ZFHX4: variants seen among roughly 807,000 people sequenced by gnomAD.
ZFHX4 encodes the protein zinc finger homeobox 4.
A neutral mutation model predicts 267.6 loss-of-function variants in ZFHX4; 56 were observed. That is an observed-to-expected ratio of 0.21 (90% CI 0.17 to 0.26). The LOEUF (loss-of-function observed/expected upper bound fraction) is 0.26. Ranked by LOEUF, ZFHX4 falls within the 10% of genes least tolerant of loss-of-function variation. ZFHX4 has a pLI of 1.00. For synonymous variants in ZFHX4, 1,778 were observed against 1,665.6 expected, an observed-to-expected ratio of 1.07 and a Z score of -1.64; for missense variants, 4,332 against 4,420.0, an observed-to-expected ratio of 0.98 and a Z score of 0.56.
chr8:76,690,200 G>A (rs1807789318), intron 1 of ZFHX4, among the ~76,000 whole-genome samples: 1 of 151,956 alleles, frequency 6.6e-6, no homozygotes, highest in South Asian at 2.1e-4. Flanking sequence ...AAATCACTCT[G>A]CAAATATTTA....
intron 3 of ZFHX4, among the ~76,000 whole-genome samples, chr8:76,719,881 G>A (rs1034991963): frequency 6.6e-6 from 1 of 152,106 alleles, no homozygotes; most frequent in African/African-American, 2.4e-5. Context: ...AAGCAGTTCT[G>A]CATTAGAAAG....
At chr8:76,758,992 G>A (rs1343081360) in intron 3 of ZFHX4, among the ~76,000 whole-genome samples, 2 of 152,034 alleles carry the variant, frequency 1.3e-5, no homozygotes, top group Non-Finnish European at 2.9e-5. Context: ...ATACAATACT[G>A]GTATGTGGAT....
At chr8:76,712,153 AT>A (rs1460133902) in intron 3 of ZFHX4, among the ~76,000 whole-genome samples, 4 of 152,184 alleles carry the variant, frequency 2.6e-5, no homozygotes, top group Non-Finnish European at 5.9e-5. Flanking sequence ...GCCTGTCTCC[AT>A]GGTGAGCAAA....
chr8:76,693,809 T>C (rs563223422), intron 1 of ZFHX4, among the ~76,000 whole-genome samples: 1 of 152,156 alleles, frequency 6.6e-6, no homozygotes, highest in Non-Finnish European at 1.5e-5. Flanking sequence ...TTAGGAATCA[T>C]TATGGCTTGC....
intron 3 of ZFHX4, among the ~76,000 whole-genome samples, chr8:76,766,207 G>A (rs1464356893): frequency 1.3e-5 from 2 of 151,660 alleles, no homozygotes; most frequent in Non-Finnish European, 2.9e-5. Context: ...TAGGCCAACT[G>A]ATGTCAAAAA....
chr8:76,730,323 C>T (rs955992467), intron 3 of ZFHX4, among the ~76,000 whole-genome samples: 1 of 152,124 alleles, frequency 6.6e-6, no homozygotes, highest in African/African-American at 2.4e-5. Flanking sequence ...AAAATGTATT[C>T]ATTCTGCAAA....
rs112654871 is a variant in ZFHX4, at chr8:76,741,783, C to CT, written c.3093+33742dup. ...TTCCTTATATCACCATCTAAAACCACTTTTTTTCAGAATGTGTATATTTTG... is the reference window on the plus strand; with the variant it reads ...TTCCTTATATCACCATCTAAAACCACTTTTTTTTCAGAATGTGTATATTTTG... On this transcript the variant is annotated intron_variant, in intron 3 of 10. Coordinates refer to ENST00000651372, the MANE Select transcript of ZFHX4 (RefSeq NM_024721.5). 5.5e-3 allele frequency among the ~76,000 whole-genome samples: 831 copies of CT among 152,246 alleles called. 11 individuals are homozygous for CT. The highest frequency in any genetic ancestry group is 0.019 in the African/African-American group (778 of 41,556).
chr8:76,728,269 T>A (rs1028067542), intron 3 of ZFHX4, among the ~76,000 whole-genome samples: 1 of 152,198 alleles, frequency 6.6e-6, no homozygotes, highest in Non-Finnish European at 1.5e-5. Flanking sequence ...CACGGTTAAA[T>A]CATGTTGTGG....
chr8:76,766,592 G>A (rs1277204575), intron 3 of ZFHX4, among the ~76,000 whole-genome samples: 4 of 151,916 alleles, frequency 2.6e-5, no homozygotes, highest in Non-Finnish European at 5.9e-5. Flanking sequence ...TATATTATTG[G>A]TTAATAACAA....
In ZFHX4 at chr8:76,799,853, T is replaced by C. The variant is rs62516839; in HGVS notation, c.3325+21414T>C. Among the ~76,000 whole-genome samples, 888 of 152,318 alleles carry C rather than the reference T, an allele frequency of 5.8e-3. 6 individuals are homozygous for C. Among genetic ancestry groups the C allele is most frequent in the Non-Finnish European group, 7.2e-3 (488 of 68,020 alleles). On this transcript the variant is annotated intron_variant, in intron 4 of 10. Coordinates refer to ENST00000651372, the MANE Select transcript of ZFHX4 (RefSeq NM_024721.5). Reference sequence around the variant, plus strand: ...CCTTATTCTATGTAATGTCTGATTATACATACTGGCTGTATACCTCCCGTG... The same window carrying C: ...CCTTATTCTATGTAATGTCTGATTACACATACTGGCTGTATACCTCCCGTG...
intron 4 of ZFHX4, among the ~76,000 whole-genome samples, chr8:76,816,873 G>A (rs572506252): frequency 2.9e-4 from 44 of 152,180 alleles, no homozygotes; most frequent in Non-Finnish European, 4.4e-4. Context: ...TGGGATTACA[G>A]GTGTGAGCCA....
intron 3 of ZFHX4, among the ~76,000 whole-genome samples, chr8:76,731,890 A>ATTATTATTATTATTT (rs1554555184): frequency 6.9e-6 from 1 of 145,948 alleles, no homozygotes; most frequent in Admixed American, 6.9e-5. Flanking sequence ...TATTATTATT[A>ATTATTATTATTATTT]TTTTTGAGAC....
chr8:76,854,092 C>T lies in ZFHX4; in HGVS notation c.7171C>T (p.Leu2391=), dbSNP rs766549332. 1 of 1,613,920 alleles carries T rather than the reference C, an allele frequency of 6.2e-7. No homozygotes were observed. The highest frequency in any genetic ancestry group is 1.1e-5 in the South Asian group (1 of 91,086). The change falls in exon 10 of 11, where the codon CTG becomes TTG. Residue 2391 remains leucine (L), a synonymous_variant. Transcript: ENST00000651372. ...ASSGSGTSTP[L]IPSPKPEPEK... is the part of the protein sequence containing the mutation. Reference sequence around the variant, plus strand: ...TTCTGGCTCTGGGACCAGCACCCCCCTGATTCCATCACCCAAACCAGAACC... The same window carrying T: ...TTCTGGCTCTGGGACCAGCACCCCCTTGATTCCATCACCCAAACCAGAACC...
At chr8:76,748,788 CT>C (rs1300161902) in intron 3 of ZFHX4, among the ~76,000 whole-genome samples, 1 of 152,134 alleles carries the variant, frequency 6.6e-6, no homozygotes, top group East Asian at 1.9e-4. Context: ...CTTACTGCAC[CT>C]TTTCTTTCCT....
chr8:76,770,467 C>T (rs948171695), intron 3 of ZFHX4, among the ~76,000 whole-genome samples: 1 of 152,082 alleles, frequency 6.6e-6, no homozygotes, highest in Non-Finnish European at 1.5e-5. Flanking sequence ...AGTAGTTGTA[C>T]CTCTTCACTA....
intron 3 of ZFHX4, among the ~76,000 whole-genome samples, chr8:76,760,511 G>T (rs970416385): frequency 2.6e-5 from 4 of 152,084 alleles, no homozygotes; most frequent in Non-Finnish European, 5.9e-5. Flanking sequence ...TTAAAATTAT[G>T]ATACGTCCTG....
chr8:76,766,909 A>G (rs1020971039), intron 3 of ZFHX4, among the ~76,000 whole-genome samples: 5 of 152,100 alleles, frequency 3.3e-5, no homozygotes, highest in African/African-American at 4.8e-5. Context: ...TAGCCAGCAC[A>G]GTTTTTGGCC....
chr8:76,765,806 A>T (rs1810036696), intron 3 of ZFHX4, among the ~76,000 whole-genome samples: 1 of 152,114 alleles, frequency 6.6e-6, no homozygotes, highest in South Asian at 2.1e-4. Flanking sequence ...CCCATGAGGC[A>T]GTTACTACAA....
In ZFHX4 at chr8:76,856,277, C is replaced by T. The variant is rs764877114; in HGVS notation, c.9356C>T (p.Pro3119Leu). ...LPGMNGPSSL[P>L]GFPQNSNTLT... ...GGAATGAACGGTCCATCCTCCTTGC[C>T]GGGATTTCCACAAAATTCAAACAGT... Residue 3119 changes from proline (P) to leucine (L), a missense_variant, in exon 10 of 11, where the codon CCG becomes CTG. Around this residue, in one of 7 missense-constraint regions of ZFHX4, gnomAD observed 1,648 missense variants for 1,625.0 expected, o/e 1.01. Coordinates refer to ENST00000651372, the MANE Select transcript of ZFHX4 (RefSeq NM_024721.5). 65 of 1,613,730 alleles carry T rather than the reference C, an allele frequency of 4.0e-5. No homozygotes were observed. The highest frequency in any genetic ancestry group is 5.2e-5 in the Non-Finnish European group (61 of 1,179,868).
Sources: gnomAD v4.1 joint callset for allele counts (sites outside exome capture counted in the v4.1 genomes callset) on GRCh38, gnomAD v4.1.1 for gene constraint, gnomAD v4.1.1 regional missense constraint, MANE v1.5 for transcripts, NCBI Gene and HGNC (gene_info 2026-07-23, HGNC 2026-07-21) for gene names.